The following CADM2 variants were observed in gnomAD, a reference collection of about 807,000 sequenced individuals.
The protein encoded by CADM2 is cell adhesion molecule 2, also known as immunoglobulin superfamily member 4D.
Under a neutral mutation model 49.8 loss-of-function variants are expected in CADM2, and 12 were observed. The ratio of observed to expected loss-of-function variants is 0.24; its 90% CI spans 0.15 to 0.39. The LOEUF (loss-of-function observed/expected upper bound fraction) is 0.39. Ranked by LOEUF, CADM2 falls within the 10% of genes least tolerant of loss-of-function variation. The probability of loss-of-function intolerance (pLI) is 1.00; values close to 1 mark genes in which losing one functional copy is unlikely to be tolerated. For missense variants in CADM2, 378 were observed against 492.3 expected, an observed-to-expected ratio of 0.77 and a Z score of 2.20; for synonymous variants, 214 against 175.4, an observed-to-expected ratio of 1.22 and a Z score of -1.74.
intron 1 of CADM2, among the ~76,000 whole-genome samples, chr3:85,095,712 A>G (rs1323023159): frequency 1.3e-5 from 2 of 152,216 alleles, no homozygotes; most frequent in East Asian, 1.9e-4. Flanking sequence ...TACTAGAGAA[A>G]TATGTTCAAA....
chr3:85,675,453 C>A (rs1196869120), intron 1 of CADM2, among the ~76,000 whole-genome samples: 1 of 152,084 alleles, frequency 6.6e-6, no homozygotes, highest in Admixed American at 6.6e-5. Context: ...TAAAAAAGAT[C>A]ATGAATCAAA....
At chr3:85,964,269 C>T (rs1234508529) in intron 8 of CADM2, among the ~76,000 whole-genome samples, 3 of 151,768 alleles carry the variant, frequency 2.0e-5, no homozygotes, top group South Asian at 2.1e-4. Flanking sequence ...GTTGATTTTA[C>T]GTTAGTGGTG....
chr3:86,039,191 A>C (rs1014494063), intron 8 of CADM2, among the ~76,000 whole-genome samples: 24 of 152,126 alleles, frequency 1.6e-4, no homozygotes, highest in African/African-American at 5.5e-4. Flanking sequence ...TACTGGGTTC[A>C]TCTCACTTGG....
chr3:85,096,496 T>C (rs559787526), intron 1 of CADM2, among the ~76,000 whole-genome samples: 14 of 152,180 alleles, frequency 9.2e-5, no homozygotes, highest in Non-Finnish European at 1.6e-4. Flanking sequence ...ATATTTATTC[T>C]AGAATATCAG....
rs557192414 is a variant in CADM2 at position 85,637,001 on chromosome 3, A to T, written c.62-89521A>T. On this transcript the variant is annotated intron_variant, in intron 1 of 9. Coordinates refer to ENST00000383699, the MANE Select transcript of CADM2 (RefSeq NM_001167675.2). ...TTAGAGAGGTTATTGTTGAATACCT[A>T]TTATATCCCATTATAATCTTTCTTT... is the stretch of plus-strand genomic sequence containing the variant. Among the ~76,000 whole-genome samples, 3 of 152,294 alleles carry T rather than the reference A, an allele frequency of 2.0e-5. No homozygotes were observed. The South Asian group carries it at 6.2e-4, about 32-fold the overall frequency.
intron 1 of CADM2, among the ~76,000 whole-genome samples, chr3:84,983,900 A>G (rs529979631): frequency 1.1e-3 from 162 of 152,270 alleles, no homozygotes; most frequent in African/African-American, 3.8e-3. Context: ...TTATCTGAAT[A>G]TCAAAACATT....
intron 1 of CADM2, among the ~76,000 whole-genome samples, chr3:85,672,704 C>G (rs1262893958): frequency 6.6e-6 from 1 of 152,010 alleles, no homozygotes; most frequent in East Asian, 1.9e-4. Context: ...TTTTGAAACC[C>G]TTTTAAAATT....
chr3:85,509,433 T>C (rs2040511006), intron 1 of CADM2, among the ~76,000 whole-genome samples: 2 of 152,130 alleles, frequency 1.3e-5, no homozygotes, highest in Admixed American at 6.5e-5. Flanking sequence ...TACTGTGGCC[T>C]GGTTAGGAAA....
intron 1 of CADM2, among the ~76,000 whole-genome samples, chr3:85,509,999 C>T (rs1420090747): frequency 2.6e-5 from 4 of 151,768 alleles, no homozygotes; most frequent in Admixed American, 2.0e-4. Context: ...CTAGGACAGT[C>T]TACAAGTAAT....
chr3:85,328,260 C>A (rs1394508227), intron 1 of CADM2, among the ~76,000 whole-genome samples: 1 of 152,066 alleles, frequency 6.6e-6, no homozygotes, highest in Non-Finnish European at 1.5e-5. Flanking sequence ...AAACAAACAA[C>A]CTTAAGAGCT....
At chr3:85,492,011 C>A (rs1337342881) in intron 1 of CADM2, among the ~76,000 whole-genome samples, 4 of 151,540 alleles carry the variant, frequency 2.6e-5, no homozygotes, top group Non-Finnish European at 4.4e-5. Flanking sequence ...AGATACACTT[C>A]TACCCTGGGA....
In CADM2 at chr3:86,069,784, A is replaced by T. The variant is rs1385034558; in HGVS notation, c.*3001A>T. 1 of 152,026 alleles carries T rather than the reference A, an allele frequency of 6.6e-6. No individual in the cohort carries two copies. Among genetic ancestry groups the T allele is most frequent in the Non-Finnish European group, 1.5e-5 (1 of 67,890 alleles). 9.4% of individuals were successfully genotyped at this position (152,026 alleles called of 1,614,324 possible). ...CTGCCAGTGTACTGTTTACAGTGTA[A>T]ATTGATTGTCCTCCGTCAAAATCAA... On this transcript the variant is annotated 3_prime_UTR_variant, in exon 10 of 10. Coordinates refer to ENST00000383699, the MANE Select transcript of CADM2 (RefSeq NM_001167675.2).
chr3:85,010,849 G>GTTTTTT (rs1344797276), intron 1 of CADM2, among the ~76,000 whole-genome samples: 2 of 40,636 alleles, frequency 4.9e-5, no homozygotes, highest in African/African-American at 2.5e-4. Flanking sequence ...CTCTGTTTAT[G>GTTTTTT]TCTTTTTTTT....
At chr3:85,530,691 A>G (rs1004286242) in intron 1 of CADM2, among the ~76,000 whole-genome samples, 25 of 152,088 alleles carry the variant, frequency 1.6e-4, no homozygotes, top group African/African-American at 5.8e-4. Context: ...AGAATGGATT[A>G]ATACAGATAG....
chr3:85,156,072 A>G (rs919991135), intron 1 of CADM2, among the ~76,000 whole-genome samples: 1 of 152,046 alleles, frequency 6.6e-6, no homozygotes, highest in African/African-American at 2.4e-5. Flanking sequence ...AACTAGAAAA[A>G]CAAGAGCAAA....
intron 1 of CADM2, among the ~76,000 whole-genome samples, chr3:85,422,365 C>T (rs1354965482): frequency 6.6e-6 from 1 of 152,100 alleles, no homozygotes; most frequent in African/African-American, 2.4e-5. Flanking sequence ...GCAAGCTCCA[C>T]TTCCCGGGTT....
chr3:85,444,304 C>A (rs1422584119), intron 1 of CADM2, among the ~76,000 whole-genome samples: 1 of 152,004 alleles, frequency 6.6e-6, no homozygotes, highest in Admixed American at 6.6e-5. Flanking sequence ...CTTGCTTAAA[C>A]CTTCTCAAAG....
chr3:85,288,793 C>A (rs547404557), intron 1 of CADM2, among the ~76,000 whole-genome samples: 9 of 136,370 alleles, frequency 6.6e-5, no homozygotes, highest in South Asian at 2.8e-4. Flanking sequence ...TGCCCCCCCC[C>A]CCTCTTTTTT....
chr3:85,277,967 C>A (rs1306965750), intron 1 of CADM2, among the ~76,000 whole-genome samples: 1 of 151,252 alleles, frequency 6.6e-6, no homozygotes, highest in Non-Finnish European at 1.5e-5. Flanking sequence ...TTTCTGACCA[C>A]ATGCAAGGCA....
Sources: gnomAD v4.1 joint callset for allele counts (sites outside exome capture counted in the v4.1 genomes callset) on GRCh38, gnomAD v4.1.1 for gene constraint, MANE v1.5 for transcripts, NCBI Gene and HGNC (gene_info 2026-07-23, HGNC 2026-07-21) for gene names.